Variants in IL1RAP observed in about 807,000 individuals in gnomAD.
IL1RAP encodes interleukin 1 receptor accessory protein.
Under a neutral mutation model 60.7 loss-of-function variants are expected in IL1RAP, and 35 were observed. That is an observed-to-expected ratio of 0.58 (90% CI 0.44 to 0.76). The LOEUF (loss-of-function observed/expected upper bound fraction) is 0.76, where lower values mean the gene tolerates loss of function less well. IL1RAP is among the 30% of genes least tolerant of loss of function. IL1RAP has a pLI of 0.00. For missense variants in IL1RAP, 572 were observed against 693.9 expected (o/e 0.82, Z 1.97); for synonymous variants, 268 against 250.9 (o/e 1.07, Z -0.64).
chr3:190,641,068 C>T (rs1405705280), intron 9 of IL1RAP, among the ~76,000 whole-genome samples: 3 of 152,106 alleles, frequency 2.0e-5, no homozygotes, highest in Admixed American at 6.5e-5. Context: ...CAGGTTCAAG[C>T]GATTCTCCTG....
chr3:190,528,680 A>G (rs796831578), intron 1 of IL1RAP, among the ~76,000 whole-genome samples: 13 of 152,380 alleles, frequency 8.5e-5, no homozygotes, highest in African/African-American at 3.1e-4. Context: ...TACAATTTAT[A>G]CAGTATTTCA....
intron 2 of IL1RAP, among the ~76,000 whole-genome samples, chr3:190,556,458 C>A (rs1484832460): frequency 2.0e-5 from 3 of 151,782 alleles, no homozygotes; most frequent in Admixed American, 6.6e-5. Flanking sequence ...CTCCATCTAC[C>A]CTATCAGATA....
In IL1RAP at chr3:190,650,553, T is replaced by C. The variant is rs1227227526; in HGVS notation, c.*1848T>C. The C allele has an allele frequency of 1.0e-6, 1 of 956,806 alleles. No homozygotes were observed. Among genetic ancestry groups the C allele is most frequent in the African/African-American group, 1.8e-5 (1 of 56,714 alleles). 59.3% of individuals were successfully genotyped at this position (956,806 alleles called of 1,614,324 possible). On this transcript the variant is annotated 3_prime_UTR_variant, in exon 12 of 12. Coordinates refer to ENST00000447382, the MANE Select transcript of IL1RAP (RefSeq NM_002182.4). ...TAATTTAAGAAAGCCCTTATCCCGG[T>C]AACATGAATGTTGATGAACAAATGT... is the stretch of plus-strand genomic sequence containing the variant.
chr3:190,533,663 G>A (rs1284239253), intron 1 of IL1RAP, among the ~76,000 whole-genome samples: 3 of 152,156 alleles, frequency 2.0e-5, no homozygotes, highest in South Asian at 2.1e-4. Context: ...AGTCGTGTCT[G>A]TGACCAGAGC....
chr3:190,522,424 T>TATCG (rs1199806227), intron 1 of IL1RAP, among the ~76,000 whole-genome samples: 53 of 59,486 alleles, frequency 8.9e-4, no homozygotes, highest in African/African-American at 2.7e-3. Flanking sequence ...TCTATGTATC[T>TATCG]ATCTATCTAT....
At chr3:190,634,877 G>A (rs1030205314) in intron 9 of IL1RAP, among the ~76,000 whole-genome samples, 7 of 152,060 alleles carry the variant, frequency 4.6e-5, no homozygotes, top group African/African-American at 1.2e-4. Flanking sequence ...CTCCACGGCC[G>A]GCTAATTTTT....
At chr3:190,552,240 A>G (rs1264102479) in intron 1 of IL1RAP, among the ~76,000 whole-genome samples, 1 of 152,232 alleles carries the variant, frequency 6.6e-6, no homozygotes, top group African/African-American at 2.4e-5. Flanking sequence ...ACAAGCAAAA[A>G]TCCTTTTATA....
At chr3:190,644,539 C>T (rs1306830113) in intron 10 of IL1RAP, 142 bp downstream of exon 10, 4 of 657,982 alleles carry the variant, frequency 6.1e-6, no homozygotes, top group Admixed American at 6.5e-5. Context: ...TAATTTCAAC[C>T]GTTGCTATTA....
intron 1 of IL1RAP, among the ~76,000 whole-genome samples, chr3:190,533,565 G>T (rs1165341613): frequency 6.6e-6 from 1 of 152,132 alleles, no homozygotes; most frequent in African/African-American, 2.4e-5. Flanking sequence ...GAAGGATGTG[G>T]TTCCTTCCCA....
intron 5 of IL1RAP, among the ~76,000 whole-genome samples, chr3:190,615,975 T>A (rs561999671): frequency 6.6e-6 from 1 of 152,312 alleles, no homozygotes; most frequent in East Asian, 1.9e-4. Flanking sequence ...TCCTATATAG[T>A]GATTGGATTT....
intron 3 of IL1RAP, among the ~76,000 whole-genome samples, chr3:190,580,555 G>A (rs4687152): frequency 0.65 from 98,874 of 152,060 alleles, 32,452 homozygotes; most frequent in East Asian, 0.84. Flanking sequence ...CAGAAGGACA[G>A]ACACTACATG....
At chr3:190,647,079 T>G (rs756643719) in intron 11 of IL1RAP, among the ~76,000 whole-genome samples, 2 of 152,254 alleles carry the variant, frequency 1.3e-5, no homozygotes, top group Non-Finnish European at 2.9e-5. Context: ...GCATAATTAC[T>G]CTTGCATCTT....
In IL1RAP at chr3:190,650,422, C is replaced by G. The variant is rs1446733376; in HGVS notation, c.*1717C>G. The G allele has an allele frequency of 1.0e-6, 1 of 985,046 alleles. No individual in the cohort carries two copies. The highest frequency in any genetic ancestry group is 1.7e-5 in the African/African-American group (1 of 57,198). 61.0% of individuals were successfully genotyped at this position (985,046 alleles called of 1,614,324 possible). On this transcript the variant is annotated 3_prime_UTR_variant, in exon 12 of 12. Coordinates refer to ENST00000447382, the MANE Select transcript of IL1RAP (RefSeq NM_002182.4). The stretch of plus-strand genomic sequence containing the variant: ...TATTCCCAGCAGACACATTTAGAAA[C>G]TAAGCTATGTTAACCTCAGTGCTCA...
intron 3 of IL1RAP, among the ~76,000 whole-genome samples, chr3:190,566,526 C>A (rs1044354135): frequency 6.6e-6 from 1 of 152,124 alleles, no homozygotes; most frequent in Non-Finnish European, 1.5e-5. Flanking sequence ...GGTAAGAGAG[C>A]TTTCTATCCA....
chr3:190,591,324 G>A (rs1033203043), intron 3 of IL1RAP, among the ~76,000 whole-genome samples: 9 of 152,184 alleles, frequency 5.9e-5, no homozygotes, highest in South Asian at 2.1e-4. Context: ...GTGGCAGAAC[G>A]AGGTTTAGAA....
intron 3 of IL1RAP, among the ~76,000 whole-genome samples, chr3:190,599,523 C>A (rs1326392868): frequency 6.6e-6 from 1 of 151,304 alleles, no homozygotes; most frequent in Non-Finnish European, 1.5e-5. Context: ...TACTCCTTGG[C>A]AGTTTGCAGA....
At chr3:190,559,926 C>T (rs927388371) in intron 2 of IL1RAP, among the ~76,000 whole-genome samples, 1 of 152,036 alleles carries the variant, frequency 6.6e-6, no homozygotes, top group Non-Finnish European at 1.5e-5. Flanking sequence ...TTCATTTTAC[C>T]CCAAATCAGA....
At chr3:190,601,709 TG>T (rs1284398506) in intron 3 of IL1RAP, among the ~76,000 whole-genome samples, 1 of 152,232 alleles carries the variant, frequency 6.6e-6, no homozygotes, top group Admixed American at 6.5e-5. Flanking sequence ...CTTGTATTTT[TG>T]CTTCTGAGTC....
At chr3:190,619,140 A>T (rs1731536302) in intron 5 of IL1RAP, among the ~76,000 whole-genome samples, 1 of 152,202 alleles carries the variant, frequency 6.6e-6, no homozygotes, top group Admixed American at 6.5e-5. Context: ...AGAAAAACAA[A>T]AGCTTTTCTA....
Sources: allele counts gnomAD v4.1 joint callset (sites outside exome capture counted in the v4.1 genomes callset), GRCh38; gene constraint gnomAD v4.1.1; transcripts MANE v1.5; gene names NCBI Gene and HGNC (gene_info 2026-07-23, HGNC 2026-07-21).